Variants in CPEB4 observed in about 807,000 individuals in gnomAD.
The protein encoded by CPEB4 is cytoplasmic polyadenylation element binding protein 4, also known as cytoplasmic polyadenylation element-binding protein 4.
A neutral mutation model predicts 72.5 loss-of-function variants in CPEB4; 12 were observed. The ratio of observed to expected loss-of-function variants is 0.17; its 90% confidence interval spans 0.11 to 0.27. CPEB4 has a LOEUF of 0.27. Among genes scored for constraint, CPEB4 ranks in the 10% least tolerant of loss-of-function variants. The pLI, the probability that CPEB4 is intolerant of heterozygous loss-of-function variation, is 1.00. For synonymous variants in CPEB4, 302 were observed against 326.3 expected, an observed-to-expected ratio of 0.93 and a Z score of 0.80; for missense variants, 614 against 908.5, an observed-to-expected ratio of 0.68 and a Z score of 4.17.
intron 2 of CPEB4, among the ~76,000 whole-genome samples, chr5:173,920,896 T>C (rs1757049228): frequency 6.6e-6 from 1 of 152,228 alleles, no homozygotes; most frequent in African/African-American, 2.4e-5. Context: ...GGGTCTAAAC[T>C]ACATCTTTTC....
rs59281399 is a variant in CPEB4 at position 173,950,993 on chromosome 5, G to A, written c.1666-831G>A. Among the ~76,000 whole-genome samples, 6,660 of 152,302 alleles carry A rather than the reference G, an allele frequency of 0.044. 483 individuals are homozygous for A. Among genetic ancestry groups the A allele is most frequent in the African/African-American group, 0.15 (6,229 of 41,536 alleles). Reference sequence around the variant, plus strand: ...ATGATAGTGCAGAATGGAGTTGTCAGTGGGCCCAGCTTAAGCAAATAACAT... The same window carrying A: ...ATGATAGTGCAGAATGGAGTTGTCAATGGGCCCAGCTTAAGCAAATAACAT... On this transcript the variant is annotated intron_variant, in intron 7 of 9. Coordinates refer to ENST00000265085, the MANE Select transcript of CPEB4 (RefSeq NM_030627.4). This position sits in a 1 kb window ranked among gnomAD's most constrained non-coding sequence, Gnocchi z 5.0.
Position 173,945,868 on chromosome 5 carries a change from A to G in CPEB4, c.1456+728A>G, listed in dbSNP as rs1757998988. Among the ~76,000 whole-genome samples, 3 of 152,364 alleles carry G rather than the reference A, an allele frequency of 2.0e-5. No individual in the cohort carries two copies. The Middle Eastern group carries it at 0.01, about 518-fold the overall frequency. On this transcript the variant is annotated intron_variant, in intron 5 of 9. Transcript: ENST00000265085. Reference sequence around the variant, plus strand: ...AAGACTTAGAGGGACTTGTTCAGGAATATGCTATTCATCCGTGGGTCTGAG... The same window carrying G: ...AAGACTTAGAGGGACTTGTTCAGGAGTATGCTATTCATCCGTGGGTCTGAG...
chr5:173,928,790 A>G (rs183272540), intron 2 of CPEB4, among the ~76,000 whole-genome samples: 1 of 152,376 alleles, frequency 6.6e-6, no homozygotes, highest in African/African-American at 2.4e-5. Flanking sequence ...CCAGAAAGGA[A>G]ATGATATGTG....
rs1251856387 is a variant in CPEB4 at position 173,958,361 on chromosome 5, A to G, written c.*2224A>G. On this transcript the variant is annotated 3_prime_UTR_variant, in exon 10 of 10. Transcript: ENST00000265085. ...GGATATCTCTTTATGCAATACCTCA[A>G]TTTTTCATATTGCAAAGAGTAGCTT... 6.6e-6 allele frequency: 1 copy of G among 152,612 alleles called. No homozygotes were observed. Among genetic ancestry groups the G allele is most frequent in the African/African-American group, 2.4e-5 (1 of 41,422 alleles). The allele number at this position is 152,612 out of a possible 1,614,324, so 9.5% of individuals were successfully genotyped here.
intron 2 of CPEB4, among the ~76,000 whole-genome samples, chr5:173,916,923 A>G (rs1043680138): frequency 6.6e-6 from 1 of 152,222 alleles, no homozygotes; most frequent in African/African-American, 2.4e-5. Flanking sequence ...ACTTAAAAAT[A>G]TGTAATAAAT....
At chr5:173,913,244 C>T (rs566571923) in intron 2 of CPEB4, among the ~76,000 whole-genome samples, 1 of 150,860 alleles carries the variant, frequency 6.6e-6, no homozygotes, top group East Asian at 1.9e-4. Flanking sequence ...GTTGCACAGG[C>T]TGGAGTGCAG....
intron 3 of CPEB4, among the ~76,000 whole-genome samples, chr5:173,942,708 G>A (rs1308154874): frequency 1.3e-5 from 2 of 152,190 alleles, no homozygotes; most frequent in Non-Finnish European, 2.9e-5. Flanking sequence ...GTAATAGTTG[G>A]TTTTTATTAT....
chr5:173,936,547 C>T (rs768397106), intron 3 of CPEB4, among the ~76,000 whole-genome samples: 2 of 152,094 alleles, frequency 1.3e-5, no homozygotes, highest in Non-Finnish European at 2.9e-5. Context: ...ATAATAGATG[C>T]CTTATACTAG....
At chr5:173,894,620 C>CAAA (rs35059321) in intron 1 of CPEB4, among the ~76,000 whole-genome samples, 3 of 90,274 alleles carry the variant, frequency 3.3e-5, no homozygotes, top group Non-Finnish European at 4.7e-5. Context: ...GACTCCGACT[C>CAAA]AAAAAAAAAA....
At chr5:173,910,885 T>A (rs759477347) in intron 2 of CPEB4, 2 of 296,900 alleles carry the variant, frequency 6.7e-6, no homozygotes. Context: ...TATTATTATT[T>A]TTTTTATATC....
chr5:173,927,262 T>C (rs1379575674), intron 2 of CPEB4, among the ~76,000 whole-genome samples: 1 of 152,230 alleles, frequency 6.6e-6, no homozygotes, highest in Non-Finnish European at 1.5e-5. Context: ...TATTATACTT[T>C]ACTTATGAAA....
rs561695493 is a variant in CPEB4 at position 173,901,544 on chromosome 5, C to T, written c.1126-8979C>T. On this transcript the variant is annotated intron_variant, in intron 1 of 9. Coordinates refer to ENST00000265085, the MANE Select transcript of CPEB4 (RefSeq NM_030627.4). ...GTATATATAGTGAAGGATTTCATAC[C>T]TGGCAGGTAATAATAGAGCAAAAAT... Among the ~76,000 whole-genome samples the T allele has an allele frequency of 2.6e-5, 4 of 152,272 alleles. No individual in the cohort carries two copies. The South Asian group carries it at 6.2e-4, about 24-fold the overall frequency.
chr5:173,923,302 T>C (rs1278670196), intron 2 of CPEB4, among the ~76,000 whole-genome samples: 2 of 152,200 alleles, frequency 1.3e-5, no homozygotes, highest in Non-Finnish European at 2.9e-5. Context: ...ATAATGGTTA[T>C]AAATAAGAAA....
intron 2 of CPEB4, among the ~76,000 whole-genome samples, chr5:173,926,946 C>G (rs10043713): frequency 1.3e-5 from 2 of 151,682 alleles, no homozygotes; most frequent in African/African-American, 4.8e-5. Flanking sequence ...GTCAGGAGTT[C>G]GAGATCAGCC....
At chr5:173,939,295 TA>T (rs1757740939) in intron 3 of CPEB4, among the ~76,000 whole-genome samples, 1 of 152,148 alleles carries the variant, frequency 6.6e-6, no homozygotes, top group South Asian at 2.1e-4. Context: ...GAGCCACATT[TA>T]AAAATGCCAC....
chr5:173,890,950 C>A, intron 1 of CPEB4, 92 bp downstream of exon 1: 2 of 1,192,076 alleles, frequency 1.7e-6, no homozygotes, highest in Non-Finnish European at 2.3e-6. Context: ...CCCGTATTCA[C>A]ATCAGAGCTT....
intron 9 of CPEB4, among the ~76,000 whole-genome samples, chr5:173,954,346 G>A (rs1361346268): frequency 6.6e-6 from 1 of 152,108 alleles, no homozygotes; most frequent in Non-Finnish European, 1.5e-5. Flanking sequence ...CTAAGCATGG[G>A]GGAGGGACAA....
At position 173,961,538 on chromosome 5, in the gene CPEB4, A is replaced by AAT. The variant is rs2113324784; in HGVS notation, c.*5402_*5403insTA. ...TATTTCTTCATTCACTGATTGCCTA[A>AAT]ACCTACCCAACGAGGAAAATTCTTT... On this transcript the variant is annotated 3_prime_UTR_variant, in exon 10 of 10. Coordinates refer to ENST00000265085, the MANE Select transcript of CPEB4 (RefSeq NM_030627.4). The AAT allele has an allele frequency of 6.6e-6, 1 of 152,276 alleles. No homozygotes were observed. Among genetic ancestry groups the AAT allele is most frequent in the African/African-American group, 2.4e-5 (1 of 41,548 alleles). The allele number at this position is 152,276 out of a possible 1,614,324, so 9.4% of individuals were successfully genotyped here. A position where few individuals can be genotyped will look rare whatever the true frequency, so the allele number is the denominator to read the frequency against.
At chr5:173,949,666 A>G in intron 6 of CPEB4, 69 bp downstream of exon 6, 1 of 1,065,836 alleles carries the variant, frequency 9.4e-7, no homozygotes, top group Non-Finnish European at 1.4e-6. Flanking sequence ...CCTTTTCATA[A>G]ATGTTCACCT....
Sources: gnomAD v4.1 joint callset for allele counts (sites outside exome capture counted in the v4.1 genomes callset) on GRCh38, gnomAD v4.1.1 for gene constraint, Gnocchi (gnomAD v3.1) non-coding constraint, MANE v1.5 for transcripts, NCBI Gene and HGNC (gene_info 2026-07-23, HGNC 2026-07-21) for gene names.